Variants in LSM14A observed in about 807,000 individuals in gnomAD.
LSM14A encodes the protein protein LSM14 homolog A.
Under a neutral mutation model 52.4 loss-of-function variants are expected in LSM14A, and 14 were observed. The observed-to-expected ratio is 0.27, with a 90% confidence interval of 0.18 to 0.42. The LOEUF (loss-of-function observed/expected upper bound fraction) is 0.42, where lower values mean the gene tolerates loss of function less well. LSM14A is among the 10% of genes least tolerant of loss of function. The pLI, the probability that LSM14A is intolerant of heterozygous loss-of-function variation, is 1.00. For missense variants in LSM14A, 417 were observed against 581.8 expected, an observed-to-expected ratio of 0.72 and a Z score of 2.91; for synonymous variants, 185 against 200.3, an observed-to-expected ratio of 0.92 and a Z score of 0.64.
chr19:34,211,408 A>G (rs1156563656), intron 4 of LSM14A, among the ~76,000 whole-genome samples: 1 of 152,224 alleles, frequency 6.6e-6, no homozygotes, highest in Admixed American at 6.5e-5. Flanking sequence ...ATATATAATA[A>G]GAAATAAGTT....
At chr19:34,206,945 C>T (rs1007964312) in intron 3 of LSM14A, among the ~76,000 whole-genome samples, 1 of 152,026 alleles carries the variant, frequency 6.6e-6, no homozygotes, top group East Asian at 1.9e-4. Context: ...GTTAACAGAC[C>T]AGGAATAAAG....
chr19:34,202,251 T>C (rs903918836), intron 3 of LSM14A, among the ~76,000 whole-genome samples: 2 of 150,792 alleles, frequency 1.3e-5, no homozygotes, highest in African/African-American at 4.9e-5. Context: ...GTTAGCACTT[T>C]GGGAGGCCAT....
chr19:34,198,062 T>TAA (rs536374198), intron 3 of LSM14A, among the ~76,000 whole-genome samples: 75 of 145,712 alleles, frequency 5.1e-4, no homozygotes, highest in Middle Eastern at 3.5e-3. Flanking sequence ...AGCTCAAGTG[T>TAA]AAAAAAAAAA....
intron 3 of LSM14A, among the ~76,000 whole-genome samples, chr19:34,197,009 A>G (rs1323767178): frequency 6.6e-6 from 1 of 151,950 alleles, no homozygotes; most frequent in Non-Finnish European, 1.5e-5. Flanking sequence ...TGGATATACT[A>G]GGTATATCCA....
At chr19:34,196,117 T>G (rs777645172) in intron 2 of LSM14A, among the ~76,000 whole-genome samples, 3 of 152,160 alleles carry the variant, frequency 2.0e-5, no homozygotes, top group Non-Finnish European at 4.4e-5. Flanking sequence ...TAGGTTTAAG[T>G]TAAAGTTTTT....
At chr19:34,180,522 G>A (rs1421026665) in intron 1 of LSM14A, among the ~76,000 whole-genome samples, 1 of 152,144 alleles carries the variant, frequency 6.6e-6, no homozygotes, top group Non-Finnish European at 1.5e-5. Context: ...GCTTAATAGA[G>A]AATAGCTGTC....
At chr19:34,220,505 C>G (rs1462640238) in intron 8 of LSM14A, among the ~76,000 whole-genome samples, 2 of 152,116 alleles carry the variant, frequency 1.3e-5, no homozygotes, top group Admixed American at 1.3e-4. Flanking sequence ...TACCATAAAA[C>G]TGCCAGATTG....
At chr19:34,180,693 G>A (rs1196870939) in intron 1 of LSM14A, among the ~76,000 whole-genome samples, 1 of 151,856 alleles carries the variant, frequency 6.6e-6, no homozygotes. Context: ...TCTTTATCCT[G>A]CTTCAACTCC....
intron 3 of LSM14A, among the ~76,000 whole-genome samples, chr19:34,204,854 G>A (rs1157483338): frequency 1.3e-5 from 2 of 152,084 alleles, no homozygotes; most frequent in African/African-American, 2.4e-5. Context: ...ATTTTCGGCT[G>A]GGCGCAATGG....
At chr19:34,197,018 C>T (rs2070889352) in intron 3 of LSM14A, among the ~76,000 whole-genome samples, 1 of 150,988 alleles carries the variant, frequency 6.6e-6, no homozygotes, top group African/African-American at 2.4e-5. Flanking sequence ...TAGGTATATC[C>T]AATATCTACC....
In LSM14A at chr19:34,228,012, A is replaced by T. The variant is rs1054314214; in HGVS notation, c.*624A>T. ...TAGTTGTAAAATTCCATTATATTCC[A>T]TTGCCAAAGAAACATTAAGAACTTT... On this transcript the variant is annotated 3_prime_UTR_variant, in exon 10 of 10. Coordinates refer to ENST00000544216, the MANE Select transcript of LSM14A (RefSeq NM_015578.4). The T allele has an allele frequency of 6.6e-6, 1 of 152,636 alleles. No individual in the cohort carries two copies. Among genetic ancestry groups the T allele is most frequent in the East Asian group, 1.9e-4 (1 of 5,206 alleles). The allele number at this position is 152,636 out of a possible 1,614,324, so 9.5% of individuals were successfully genotyped here. A position where few individuals can be genotyped will look rare whatever the true frequency, so the allele number is the denominator to read the frequency against.
rs1235966594 is a variant in LSM14A, at chr19:34,229,032, C to T, written c.*1644C>T. 1 of 152,188 alleles carries T rather than the reference C, an allele frequency of 6.6e-6. No individual in the cohort carries two copies. The highest frequency in any genetic ancestry group is 6.6e-5 in the Admixed American group (1 of 15,260). 9.4% of individuals were successfully genotyped at this position (152,188 alleles called of 1,614,324 possible). On this transcript the variant is annotated 3_prime_UTR_variant, in exon 10 of 10. Transcript: ENST00000544216. ...GAACACAGTTCCGAGGCATTCAGAG[C>T]ATCAGAGCAAGTACCATGGCAATAC...
chr19:34,185,540 A>G (rs10520209), intron 1 of LSM14A, among the ~76,000 whole-genome samples: 14,492 of 152,174 alleles, frequency 0.095, 1,182 homozygotes, highest in African/African-American at 0.2. Context: ...GGACTGTCGA[A>G]TCTTATTTTT....
In LSM14A at chr19:34,180,849, G is replaced by A. The variant is rs1037888353; in HGVS notation, c.121+8086G>A. Among the ~76,000 whole-genome samples the A allele has an allele frequency of 1.6e-4, 24 of 152,038 alleles. 1 individual carries two copies. The highest frequency in any genetic ancestry group is 8.5e-4 in the Admixed American group (13 of 15,258). On this transcript the variant is annotated intron_variant, in intron 1 of 9. Transcript: ENST00000544216. Reference sequence around the variant, plus strand: ...TCTAAATTTATGTTCGCTAGCCTCCGCAGTCATGGTCACTTCCTAGCAGTC... The same window carrying A: ...TCTAAATTTATGTTCGCTAGCCTCCACAGTCATGGTCACTTCCTAGCAGTC...
At chr19:34,204,538 C>G (rs755072085) in intron 3 of LSM14A, among the ~76,000 whole-genome samples, 6 of 142,132 alleles carry the variant, frequency 4.2e-5, no homozygotes, top group African/African-American at 1.6e-4. Context: ...ATAGGGAGAC[C>G]TTGTCTCTGC....
intron 3 of LSM14A, among the ~76,000 whole-genome samples, chr19:34,201,143 A>G (rs554405962): frequency 1.6e-4 from 24 of 152,302 alleles, no homozygotes; most frequent in African/African-American, 5.8e-4. Flanking sequence ...CAAAAGTAGA[A>G]GATTTTACTG....
intron 3 of LSM14A, among the ~76,000 whole-genome samples, chr19:34,199,317 G>T (rs1235169912): frequency 1.3e-5 from 2 of 152,108 alleles, no homozygotes; most frequent in East Asian, 3.9e-4. Flanking sequence ...TTTTTGTGGA[G>T]ACAGGGTTTC....
intron 9 of LSM14A, among the ~76,000 whole-genome samples, 184 bp from the exon 10 acceptor site, chr19:34,227,181 G>A (rs1235259328): frequency 3.3e-5 from 5 of 152,196 alleles, no homozygotes; most frequent in Admixed American, 3.3e-4. Context: ...AGTCAACAAT[G>A]AGGTACTACT....
chr19:34,183,009 C>G (rs1171546730), intron 1 of LSM14A, among the ~76,000 whole-genome samples: 2 of 151,838 alleles, frequency 1.3e-5, no homozygotes, highest in African/African-American at 4.8e-5. Flanking sequence ...TTTTTAATTC[C>G]TCATGGATGC....
Sources: gnomAD v4.1 joint callset for allele counts (sites outside exome capture counted in the v4.1 genomes callset) on GRCh38, gnomAD v4.1.1 for gene constraint, MANE v1.5 for transcripts, NCBI Gene and HGNC (gene_info 2026-07-23, HGNC 2026-07-21) for gene names.